ACOXL: variants seen among roughly 807,000 people sequenced by gnomAD.
The protein encoded by ACOXL is acyl-coenzyme A oxidase-like protein.
ACOXL carries 70 observed loss-of-function variants against 71.9 expected under a neutral mutation model. The ratio of observed to expected loss-of-function variants is 0.97; its 90% CI spans 0.80 to 1.19. ACOXL has a LOEUF of 1.19. Among genes scored for constraint, ACOXL ranks in the 50% most tolerant of loss-of-function variants. The probability of loss-of-function intolerance (pLI) is 0.00; values close to 1 mark genes in which losing one functional copy is unlikely to be tolerated. For synonymous variants in ACOXL, 253 were observed against 281.6 expected (o/e 0.90, Z 1.02); for missense variants, 703 against 736.3 (o/e 0.95, Z 0.52).
chr2:110,798,853 G>A, intron 6 of ACOXL, 129 bp downstream of exon 6: 3 of 1,143,460 alleles, frequency 2.6e-6, no homozygotes, highest in Non-Finnish European at 2.6e-6. Flanking sequence ...TAATATGCAT[G>A]AAGAAATTTA....
At chr2:110,970,967 C>G (rs536332469) in intron 12 of ACOXL, among the ~76,000 whole-genome samples, 1 of 152,254 alleles carries the variant, frequency 6.6e-6, no homozygotes, top group Admixed American at 6.5e-5. Flanking sequence ...AATTGGTAAG[C>G]TGCATTTCAT....
intron 13 of ACOXL, among the ~76,000 whole-genome samples, chr2:110,992,722 C>A (rs944671873): frequency 2.0e-5 from 3 of 152,156 alleles, no homozygotes; most frequent in Admixed American, 1.3e-4. Flanking sequence ...TGCAGATAGC[C>A]CCATTCAGCT....
rs764261738 is a variant in ACOXL, at chr2:110,963,598, TG to T, written c.1060-23509del. 7.7e-5 allele frequency: 100 copies of T among 1,306,450 alleles called. 1 individual carries two copies. In the East Asian group the frequency reaches 2.1e-3, roughly 28 times the overall value. The allele number at this position is 1,306,450 out of a possible 1,614,324, so 80.9% of individuals were successfully genotyped here. A position where few individuals can be genotyped will look rare whatever the true frequency, so the allele number is the denominator to read the frequency against. ...GTGTGTGTGTGTGTGTGTGTGTGTG[TG>T]TGTGTTTTTCTCTTTCTGCAACAGG... On this transcript the variant is annotated intron_variant, in intron 12 of 17. Coordinates refer to ENST00000439055, the MANE Select transcript of ACOXL (RefSeq NM_001142807.4).
intron 1 of ACOXL, among the ~76,000 whole-genome samples, chr2:110,763,868 CA>C (rs1680706115): frequency 6.6e-6 from 1 of 152,110 alleles, no homozygotes; most frequent in South Asian, 2.1e-4. Flanking sequence ...ACAACCCCAT[CA>C]AAAAATGGGC....
At chr2:110,867,831 C>T (rs1233096254) in intron 10 of ACOXL, among the ~76,000 whole-genome samples, 2 of 152,058 alleles carry the variant, frequency 1.3e-5, no homozygotes, top group African/African-American at 2.4e-5. Flanking sequence ...GGCATGATCT[C>T]GGCTCACTGC....
intron 14 of ACOXL, among the ~76,000 whole-genome samples, chr2:111,023,716 AG>A (rs2064885263): frequency 6.6e-6 from 1 of 152,170 alleles, no homozygotes; most frequent in Admixed American, 6.5e-5. Context: ...CACAGAACAC[AG>A]GGCTGGAGGA....
chr2:111,068,254 A>T (rs1312450307), intron 16 of ACOXL, among the ~76,000 whole-genome samples: 1 of 152,154 alleles, frequency 6.6e-6, no homozygotes, highest in African/African-American at 2.4e-5. Flanking sequence ...TAGGTGAAGA[A>T]ACGGTGTGCG....
At chr2:110,919,278 C>T (rs1437045586) in intron 11 of ACOXL, among the ~76,000 whole-genome samples, 1 of 152,016 alleles carries the variant, frequency 6.6e-6, no homozygotes, top group Non-Finnish European at 1.5e-5. Flanking sequence ...AAGCTGGAAA[C>T]CATCATTCTC....
At chr2:110,983,052 A>G (rs1452647591) in intron 12 of ACOXL, among the ~76,000 whole-genome samples, 1 of 152,170 alleles carries the variant, frequency 6.6e-6, no homozygotes, top group Non-Finnish European at 1.5e-5. Context: ...CTTTGAGTCA[A>G]TCTCCCACTC....
chr2:111,022,697 C>T (rs1438235958), intron 14 of ACOXL, among the ~76,000 whole-genome samples: 4 of 152,060 alleles, frequency 2.6e-5, no homozygotes. Flanking sequence ...CCCCCAGGGG[C>T]CCCCAGACCT....
chr2:110,920,429 G>A (rs2060022868), intron 11 of ACOXL, among the ~76,000 whole-genome samples: 1 of 152,070 alleles, frequency 6.6e-6, no homozygotes. Context: ...TGAGTTGTTT[G>A]TTTTCTTATT....
chr2:111,115,168 T>C (rs1435448324), intron 17 of ACOXL, among the ~76,000 whole-genome samples: 1 of 152,230 alleles, frequency 6.6e-6, no homozygotes, highest in Non-Finnish European at 1.5e-5. Flanking sequence ...AAGCTTGAAG[T>C]ACTTTGTCCA....
chr2:110,793,433 G>A (rs1441284984), intron 3 of ACOXL, among the ~76,000 whole-genome samples: 1 of 152,178 alleles, frequency 6.6e-6, no homozygotes, highest in Admixed American at 6.5e-5. Context: ...TTGACTTTCT[G>A]TGTCAGTCCT....
intron 15 of ACOXL, 43 bp downstream of exon 15, chr2:111,031,757 G>T (rs2065281387): frequency 6.3e-7 from 1 of 1,576,290 alleles, no homozygotes; most frequent in Non-Finnish European, 8.7e-7. Context: ...AGTGACTCAG[G>T]GGTCTACGGG....
intron 10 of ACOXL, among the ~76,000 whole-genome samples, chr2:110,884,751 A>G (rs1242799751): frequency 6.6e-6 from 1 of 152,170 alleles, no homozygotes; most frequent in African/African-American, 2.4e-5. Flanking sequence ...TTGAATCCCC[A>G]TGCCATAATG....
At chr2:111,009,044 C>G (rs575126645) in intron 14 of ACOXL, among the ~76,000 whole-genome samples, 1 of 152,110 alleles carries the variant, frequency 6.6e-6, no homozygotes, top group Non-Finnish European at 1.5e-5. Context: ...ACTTGTCTTT[C>G]GACTTTGTTC....
chr2:110,960,913 C>A (rs2149446555), intron 12 of ACOXL, among the ~76,000 whole-genome samples: 1 of 152,320 alleles, frequency 6.6e-6, no homozygotes, highest in Admixed American at 6.5e-5. Context: ...ATGGGTCTTT[C>A]TGTAAGCCGC....
At chr2:110,816,771 G>A (rs1261720532) in intron 9 of ACOXL, among the ~76,000 whole-genome samples, 4 of 152,196 alleles carry the variant, frequency 2.6e-5, no homozygotes, top group Non-Finnish European at 4.4e-5. Flanking sequence ...CTGGGTTAAG[G>A]GGAATTCTAT....
At chr2:111,062,597 A>G (rs1291003414) in intron 16 of ACOXL, among the ~76,000 whole-genome samples, 1 of 152,118 alleles carries the variant, frequency 6.6e-6, no homozygotes, top group African/African-American at 2.4e-5. Flanking sequence ...AAAAACCTCA[A>G]AAGAAATAAA....
Sources: allele counts gnomAD v4.1 joint callset (sites outside exome capture counted in the v4.1 genomes callset), GRCh38; gene constraint gnomAD v4.1.1; transcripts MANE v1.5; gene names NCBI Gene and HGNC (gene_info 2026-07-23, HGNC 2026-07-21).